Variants in SWT1 observed in about 807,000 individuals in gnomAD.
The protein encoded by SWT1 is transcriptional protein SWT1.
Under a neutral mutation model 107.3 loss-of-function variants are expected in SWT1, and 33 were observed. That is an observed-to-expected ratio of 0.31 (90% CI 0.23 to 0.41). The LOEUF (loss-of-function observed/expected upper bound fraction) is 0.41, where lower values mean the gene tolerates loss of function less well. Ranked by LOEUF, SWT1 falls within the 10% of genes least tolerant of loss-of-function variation. SWT1 has a pLI of 1.00. For missense variants in SWT1, 898 were observed against 1,028.9 expected (o/e 0.87, Z 1.74); for synonymous variants, 345 against 348.3 (o/e 0.99, Z 0.11).
At chr1:185,253,396 T>C (rs1253549443) in intron 16 of SWT1, among the ~76,000 whole-genome samples, 1 of 152,048 alleles carries the variant, frequency 6.6e-6, no homozygotes, top group African/African-American at 2.4e-5. Flanking sequence ...TTCACAATAT[T>C]GATTCTTCCT....
chr1:185,190,762 G>T (rs1314448382), intron 10 of SWT1, 120 bp downstream of exon 10: 1 of 580,554 alleles, frequency 1.7e-6, no homozygotes, highest in African/African-American at 1.9e-5. Flanking sequence ...AAATCTGCCA[G>T]TAAGCATACC....
At chr1:185,229,284 A>G (rs1660325162) in intron 15 of SWT1, among the ~76,000 whole-genome samples, 1 of 152,102 alleles carries the variant, frequency 6.6e-6, no homozygotes, top group Non-Finnish European at 1.5e-5. Flanking sequence ...TTTAAAGGTT[A>G]AAAACAACAA....
At chr1:185,232,576 A>G (rs559425734) in intron 16 of SWT1, among the ~76,000 whole-genome samples, 37 of 152,278 alleles carry the variant, frequency 2.4e-4, no homozygotes, top group Middle Eastern at 3.4e-3. Flanking sequence ...AGAGATATAT[A>G]TATGCAGTGG....
At chr1:185,260,113 A>T (rs186397963) in intron 16 of SWT1, among the ~76,000 whole-genome samples, 1 of 152,282 alleles carries the variant, frequency 6.6e-6, no homozygotes, top group Non-Finnish European at 1.5e-5. Flanking sequence ...ATTTTAGAGG[A>T]TGAGTGCACA....
intron 17 of SWT1, among the ~76,000 whole-genome samples, chr1:185,273,379 T>A (rs1360445947): frequency 7.0e-6 from 1 of 142,514 alleles, no homozygotes; most frequent in African/African-American, 2.6e-5. Flanking sequence ...CACTACAGCC[T>A]GGGTGACAGA....
intron 10 of SWT1, among the ~76,000 whole-genome samples, chr1:185,199,908 C>T (rs1350887451): frequency 1.3e-5 from 2 of 152,190 alleles, no homozygotes; most frequent in African/African-American, 4.8e-5. Flanking sequence ...GGTCTTTTCA[C>T]ATAGTTCCAT....
chr1:185,242,285 G>A (rs1177671094), intron 16 of SWT1, among the ~76,000 whole-genome samples: 2 of 152,026 alleles, frequency 1.3e-5, no homozygotes, highest in South Asian at 2.1e-4. Flanking sequence ...GATAAAATAC[G>A]TGGCATTCAC....
chr1:185,227,294 G>A (rs1431210758), intron 15 of SWT1: 8 of 746,902 alleles, frequency 1.1e-5, no homozygotes, highest in East Asian at 4.9e-5. Context: ...GCTGACCATC[G>A]GTGCTCTCCA....
chr1:185,249,629 A>G (rs796242075), intron 16 of SWT1, among the ~76,000 whole-genome samples: 3 of 152,244 alleles, frequency 2.0e-5, no homozygotes, highest in African/African-American at 7.2e-5. Flanking sequence ...AACTAAAGAG[A>G]CAAACTGATC....
At chr1:185,173,812 T>A (rs190602903) in intron 4 of SWT1, among the ~76,000 whole-genome samples, 25 of 150,926 alleles carry the variant, frequency 1.7e-4, no homozygotes, top group African/African-American at 6.1e-4. Flanking sequence ...AGCCCAGGAG[T>A]TTGAGACCAG....
intron 7 of SWT1, among the ~76,000 whole-genome samples, chr1:185,183,185 C>T (rs2102380983): frequency 6.6e-6 from 1 of 151,308 alleles, no homozygotes; most frequent in East Asian, 1.9e-4. Context: ...TTGCAGTTTT[C>T]ATCTTTCAAG....
intron 14 of SWT1, 28 bp downstream of exon 14, chr1:185,214,683 A>G (rs1361202431): frequency 1.9e-6 from 3 of 1,579,360 alleles, no homozygotes; most frequent in Non-Finnish European, 1.7e-6. Flanking sequence ...TGCCAGTTAG[A>G]GTAGCTAATT....
intron 16 of SWT1, among the ~76,000 whole-genome samples, chr1:185,244,837 T>C (rs886165454): frequency 1.3e-5 from 2 of 152,132 alleles, no homozygotes; most frequent in Non-Finnish European, 2.9e-5. Context: ...TCCCGGCACT[T>C]TGGGAGGCCA....
intron 16 of SWT1, among the ~76,000 whole-genome samples, chr1:185,243,777 A>T (rs1661410219): frequency 6.6e-6 from 1 of 152,222 alleles, no homozygotes; most frequent in East Asian, 1.9e-4. Flanking sequence ...CTACTTTATT[A>T]CTATTTAAAT....
chr1:185,191,765 T>C (rs1656969864), intron 10 of SWT1, among the ~76,000 whole-genome samples: 1 of 152,178 alleles, frequency 6.6e-6, no homozygotes, highest in Non-Finnish European at 1.5e-5. Context: ...TGTTATGTAA[T>C]TATTTTTTTA....
At chr1:185,158,345 C>T (rs1653820347) in intron 1 of SWT1, among the ~76,000 whole-genome samples, 2 of 151,596 alleles carry the variant, frequency 1.3e-5, no homozygotes, top group African/African-American at 2.4e-5. Flanking sequence ...AGTTATAGTC[C>T]TAAATCCCTT....
chr1:185,271,106 T>A (rs910818910), intron 16 of SWT1, among the ~76,000 whole-genome samples: 3 of 152,246 alleles, frequency 2.0e-5, no homozygotes, highest in African/African-American at 7.2e-5. Flanking sequence ...TAAGCATGAA[T>A]TTAAATAAGC....
chr1:185,206,729 A>G lies in SWT1; in HGVS notation c.1938A>G (p.Leu646=), dbSNP rs767661883. ...TAGTTATGGAAAAGAACTTGCTTTT[A>G]ACTATTGAGAGCCTATACAAAAATC... ...FGLVMEKNLL[L]TIESLYKNLR... is the part of the protein sequence containing the mutation. Residue 646 remains leucine, a synonymous_variant, in exon 13 of 19, where the codon TTA becomes TTG. Coordinates refer to ENST00000367500, the MANE Select transcript of SWT1 (RefSeq NM_017673.7). 6.2e-7 allele frequency: 1 copy of G among 1,605,992 alleles called. No homozygotes were observed. Among genetic ancestry groups the G allele is most frequent in the Non-Finnish European group, 8.5e-7 (1 of 1,176,340 alleles).
rs566249144 is a variant in SWT1 at position 185,242,247 on chromosome 1, A to G, written c.2441+10539A>G. Among the ~76,000 whole-genome samples, 37 of 152,308 alleles carry G rather than the reference A, an allele frequency of 2.4e-4. 1 individual carries two copies. Among genetic ancestry groups the G allele is most frequent in the South Asian group, 8.3e-4 (4 of 4,830 alleles). ...GTGTATATCAAATTTTAAATGTAATATGTAATAAAATTTTTATTAAAGTAG... is the reference window on the plus strand; with the variant it reads ...GTGTATATCAAATTTTAAATGTAATGTGTAATAAAATTTTTATTAAAGTAG... On this transcript the variant is annotated intron_variant, in intron 16 of 18. Transcript: ENST00000367500.
Sources: allele counts gnomAD v4.1 joint callset (sites outside exome capture counted in the v4.1 genomes callset), GRCh38; gene constraint gnomAD v4.1.1; transcripts MANE v1.5; gene names NCBI Gene and HGNC (gene_info 2026-07-23, HGNC 2026-07-21).